Variants in WASHC4 observed in about 807,000 individuals in gnomAD.
WASHC4 encodes the protein WASH complex subunit 7.
WASHC4 carries 86 observed loss-of-function variants against 166.6 expected under a neutral mutation model. The observed-to-expected ratio is 0.52, with a 90% CI of 0.43 to 0.62. WASHC4 has a LOEUF of 0.62. WASHC4 is among the 20% of genes least tolerant of loss of function. The probability of loss-of-function intolerance (pLI) is 0.00; values close to 1 mark genes in which losing one functional copy is unlikely to be tolerated. For synonymous variants in WASHC4, 446 were observed against 451.6 expected, an observed-to-expected ratio of 0.99 and a Z score of 0.16; for missense variants, 1,262 against 1,382.4, an observed-to-expected ratio of 0.91 and a Z score of 1.38.
At chr12:105,139,033 G>A (rs1196810) in intron 15 of WASHC4, among the ~76,000 whole-genome samples, 75,859 of 151,820 alleles carry the variant, frequency 0.5, 19,136 homozygotes, top group Middle Eastern at 0.68. Context: ...TTTTTAGCTT[G>A]CCAAATATGG....
chr12:105,121,078 AATC>A lies in WASHC4; in HGVS notation c.562-20_562-18del. The A allele has an allele frequency of 6.5e-7, 1 of 1,527,264 alleles. No individual in the cohort carries two copies. Among genetic ancestry groups the A allele is most frequent in the Non-Finnish European group, 9.1e-7 (1 of 1,101,646 alleles). The allele number at this position is 1,527,264 out of a possible 1,614,324, so 94.6% of individuals were successfully genotyped here. A position where few individuals can be genotyped will look rare whatever the true frequency, so the allele number is the denominator to read the frequency against. On this transcript the variant is annotated intron_variant, in intron 8 of 32. Coordinates refer to ENST00000332180, the MANE Select transcript of WASHC4 (RefSeq NM_015275.3). ...AACTTCTAACTAGTGACTAAATGAT[AATC>A]ATTAAAGGTTTTTTGACAGACTATG... is the stretch of plus-strand genomic sequence containing the variant.
chr12:105,143,208 T>G lies in WASHC4; in HGVS notation c.1975T>G (p.Cys659Gly). 1 of 1,604,734 alleles carries G rather than the reference T, an allele frequency of 6.2e-7. No homozygotes were observed. The highest frequency in any genetic ancestry group is 1.7e-4 in the Middle Eastern group (1 of 6,036). ...HLESYEILLD[C>G]YDKEIMEILN... Reference sequence around the variant, plus strand: ...AGAGTCCTATGAGATACTTCTGGATTGCTATGACAAGGAAATTATGGAAAT... The same window carrying G: ...AGAGTCCTATGAGATACTTCTGGATGGCTATGACAAGGAAATTATGGAAAT... The change falls in exon 20 of 33, where the codon TGC becomes GGC. Residue 659 changes from cysteine (C) to glycine (G), a missense_variant. Coordinates refer to ENST00000332180, the MANE Select transcript of WASHC4 (RefSeq NM_015275.3).
Position 105,147,094 on chromosome 12 carries a change from G to A in WASHC4, c.2462G>A (p.Arg821Gln), listed in dbSNP as rs1470831709. The change falls in exon 24 of 33, where the codon CGG becomes CAG. Residue 821 changes from arginine (R) to glutamine (Q), a missense_variant. By Grantham distance (43) the Arg-to-Gln change is conservative. Transcript: ENST00000332180. ...AAGCATTTGAATACTATTAATATTC[G>A]GCATATTGCTAATTCAATTCGAACA... ...NNKHLNTINI[R>Q]HIANSIRTHG... 8 of 1,611,526 alleles carry A rather than the reference G, an allele frequency of 5.0e-6. No homozygotes were observed. Among genetic ancestry groups the A allele is most frequent in the African/African-American group, 1.3e-5 (1 of 74,886 alleles).
chr12:105,115,749 A>G, intron 6 of WASHC4, 21 bp downstream of exon 6: 1 of 1,509,406 alleles, frequency 6.6e-7, no homozygotes, highest in Non-Finnish European at 9.2e-7. Flanking sequence ...TTTACTTTCT[A>G]CTGAGCTTTT....
At chr12:105,120,640 T>G (rs1356249277) in intron 8 of WASHC4, 43 bp downstream of exon 8, 4 of 1,374,078 alleles carry the variant, frequency 2.9e-6, no homozygotes, top group Non-Finnish European at 3.1e-6. Flanking sequence ...TAATTATTAC[T>G]ATATTTTACT....
rs1197054372 is a variant in WASHC4, at chr12:105,167,264, T to A, written c.*333T>A. On this transcript the variant is annotated 3_prime_UTR_variant, in exon 33 of 33. Coordinates refer to ENST00000332180, the MANE Select transcript of WASHC4 (RefSeq NM_015275.3). ...TAATCTACATGTTTGTAATTTGTAT[T>A]TGCATAGATCTTTGATCTATAGTTA... 1 of 295,318 alleles carries A rather than the reference T, an allele frequency of 3.4e-6. No homozygotes were observed. The highest frequency in any genetic ancestry group is 7.6e-5 in the East Asian group (1 of 13,146). 18.3% of individuals were successfully genotyped at this position (295,318 alleles called of 1,614,324 possible).
rs1174593895 is a variant in WASHC4 at position 105,107,857 on chromosome 12, G to T, written c.57G>T (p.Ser19=). 2 of 1,548,968 alleles carry T rather than the reference G, an allele frequency of 1.3e-6. No homozygotes were observed. The highest frequency in any genetic ancestry group is 1.4e-5 in the African/African-American group (1 of 73,102). ...DWEFDRVDDG[S]QKIHAEVQLK... ...AGTTTGACCGCGTTGACGACGGCTC[G>T]CAGAGTAAGGGAGCTGCAGGGCGAG... The change falls in exon 1 of 33, where the codon TCG becomes TCT. Residue 19 remains serine, a synonymous_variant. Transcript: ENST00000332180.
chr12:105,137,802 T>C, intron 14 of WASHC4, 84 bp from the exon 15 acceptor site: 1 of 1,164,392 alleles, frequency 8.6e-7, no homozygotes. Context: ...TATTGGTAAG[T>C]TGAGGAATAG....
chr12:105,149,706 A>T lies in WASHC4; in HGVS notation c.2606A>T (p.Asp869Val). The change falls in exon 25 of 33, where the codon GAT becomes GTT. Residue 869 changes from aspartate (D) to valine (V), a missense_variant. By Grantham distance (152) the Asp-to-Val change is radical. Transcript: ENST00000332180. ...CACATCAAATCCAGATTGATTAAAG[A>T]TATTCGATTTTTCAGGGAAATTAAG... Reference protein sequence around the residue: ...DEHIKSRLIKDIRFFREIKDQ... With the variant: ...DEHIKSRLIKVIRFFREIKDQ... 6.3e-7 allele frequency: 1 copy of T among 1,585,004 alleles called. No homozygotes were observed. Among genetic ancestry groups the T allele is most frequent in the Non-Finnish European group, 8.7e-7 (1 of 1,155,396 alleles).
intron 2 of WASHC4, among the ~76,000 whole-genome samples, chr12:105,112,724 A>T (rs1879813200): frequency 1.3e-5 from 2 of 152,132 alleles, no homozygotes; most frequent in African/African-American, 2.4e-5. Flanking sequence ...GTCTGTTCAC[A>T]TCCTTTGCCC....
At position 105,112,187 on chromosome 12, in the gene WASHC4, AT is replaced by A. The variant is rs572569412; in HGVS notation, c.201+924del. Among the ~76,000 whole-genome samples the A allele has an allele frequency of 1.4e-3, 209 of 152,278 alleles. 1 individual carries two copies. The highest frequency in any genetic ancestry group is 4.8e-3 in the African/African-American group (199 of 41,556). On this transcript the variant is annotated intron_variant, in intron 2 of 32. Transcript: ENST00000332180. ...CCTTTGTTGCTGGCTTCTTTAACTT[AT>A]GTTTTCAAGGCTCATCTATGTTGTC...
chr12:105,119,442 G>A (rs568006063), intron 7 of WASHC4, among the ~76,000 whole-genome samples: 57 of 152,276 alleles, frequency 3.7e-4, no homozygotes, highest in African/African-American at 1.1e-3. Context: ...GATAACAAGA[G>A]CAATTTTGGC....
chr12:105,139,121 A>G (rs1882573852), intron 15 of WASHC4, among the ~76,000 whole-genome samples: 1 of 151,796 alleles, frequency 6.6e-6, no homozygotes, highest in Non-Finnish European at 1.5e-5. Context: ...GTATTTTTTG[A>G]TCCATTTTTT....
intron 2 of WASHC4, 87 bp downstream of exon 2, chr12:105,111,351 ATT>A (rs1879664800): frequency 2.3e-6 from 2 of 884,328 alleles, no homozygotes; most frequent in Non-Finnish European, 3.4e-6. Context: ...TGGAAAAAGT[ATT>A]TTTATTTGAA....
chr12:105,156,117 G>A (rs114547871), intron 26 of WASHC4, among the ~76,000 whole-genome samples: 2 of 152,208 alleles, frequency 1.3e-5, no homozygotes, highest in African/African-American at 4.8e-5. Context: ...ATTATAAAAT[G>A]TGAGAGAAAG....
At chr12:105,151,688 G>T (rs1883788250) in intron 25 of WASHC4, among the ~76,000 whole-genome samples, 2 of 152,110 alleles carry the variant, frequency 1.3e-5, no homozygotes. Context: ...CACCATATTG[G>T]TCAGACTGGT....
chr12:105,142,928 G>A (rs12313710), intron 19 of WASHC4, among the ~76,000 whole-genome samples, 199 bp from the exon 20 acceptor site: 6,663 of 152,006 alleles, frequency 0.044, 489 homozygotes, highest in African/African-American at 0.15. Context: ...AAGGACTAGC[G>A]AATGTGATTT....
intron 17 of WASHC4, 54 bp downstream of exon 17, chr12:105,141,099 T>C: frequency 1.2e-6 from 2 of 1,610,068 alleles, no homozygotes; most frequent in Admixed American, 3.3e-5. Context: ...GATTTCACAG[T>C]TCCCTTGTTA....
rs780916534 is a variant in WASHC4, at chr12:105,162,828, A to C, written c.3140A>C (p.Asp1047Ala). 1.3e-6 allele frequency: 2 copies of C among 1,588,688 alleles called. No homozygotes were observed. The highest frequency in any genetic ancestry group is 1.7e-5 in the Admixed American group (1 of 59,828). Residue 1047 changes from aspartate (D) to alanine (A), a missense_variant, in exon 30 of 33, where the codon GAT (aspartate) becomes GCT (alanine). Asp to Ala is a moderately radical substitution (Grantham distance 126). Coordinates refer to ENST00000332180, the MANE Select transcript of WASHC4 (RefSeq NM_015275.3). Reference sequence around the variant, plus strand: ...AATAAAATTGGAGCTGCCTTTACTGATGATGGCTTTGCCATGGGTAAGCTT... The same window carrying C: ...AATAAAATTGGAGCTGCCTTTACTGCTGATGGCTTTGCCATGGGTAAGCTT... ...KKNKIGAAFT[D>A]DGFAMGVAYI... is the part of the protein sequence containing the mutation.
Sources: gnomAD v4.1 joint callset for allele counts (sites outside exome capture counted in the v4.1 genomes callset) on GRCh38, gnomAD v4.1.1 for gene constraint, MANE v1.5 for transcripts, NCBI Gene and HGNC (gene_info 2026-07-23, HGNC 2026-07-21) for gene names.